The following CARD8 variants were observed in gnomAD, a reference collection of about 807,000 sequenced individuals.
CARD8 encodes caspase recruitment domain family member 8.
A neutral mutation model predicts 53.2 loss-of-function variants in CARD8; 38 were observed. That is an observed-to-expected ratio of 0.71 (90% CI 0.55 to 0.94). The LOEUF (loss-of-function observed/expected upper bound fraction) is 0.94. Among genes scored for constraint, CARD8 ranks in the 40% least tolerant of loss-of-function variants. The pLI is 0.00. For synonymous variants in CARD8, 245 were observed against 244.9 expected (o/e 1.00, Z 0.00); for missense variants, 561 against 655.5 (o/e 0.86, Z 1.57).
intron 5 of CARD8, among the ~76,000 whole-genome samples, chr19:48,236,936 C>T (rs183290973): frequency 2.6e-5 from 4 of 152,150 alleles, no homozygotes; most frequent in East Asian, 1.9e-4. Flanking sequence ...CCACCAAGCC[C>T]GGCTAATTCT....
chr19:48,211,537 G>T lies in CARD8; in HGVS notation c.*173C>A. ...AGACATTCTTGAGGAAAATGCATGAGGATACAGTCAATAGGTACATGCCAG... is the reference window on the plus strand; with the variant it reads ...AGACATTCTTGAGGAAAATGCATGATGATACAGTCAATAGGTACATGCCAG... On this transcript the variant is annotated 3_prime_UTR_variant, in exon 14 of 14. Coordinates refer to ENST00000651546, the MANE Select transcript of CARD8 (RefSeq NM_001184900.3). The T allele has an allele frequency of 1.6e-6, 1 of 622,220 alleles. No individual in the cohort carries two copies. Among genetic ancestry groups the T allele is most frequent in the East Asian group, 2.7e-5 (1 of 36,584 alleles). The allele number at this position is 622,220 out of a possible 1,614,324, so 38.5% of individuals were successfully genotyped here.
intron 3 of CARD8, among the ~76,000 whole-genome samples, chr19:48,244,734 A>C (rs1328916970): frequency 6.6e-6 from 1 of 152,242 alleles, no homozygotes; most frequent in East Asian, 1.9e-4. Context: ...AATAATTAAG[A>C]AAAAGATATT....
chr19:48,212,854 G>A (rs2038303913), intron 13 of CARD8: 1 of 152,228 alleles, frequency 6.6e-6, no homozygotes, highest in Non-Finnish European at 1.5e-5. Context: ...TGCACCTCCA[G>A]ATGTGAGGCA....
chr19:48,248,454 A>T (rs1185772035), intron 3 of CARD8, among the ~76,000 whole-genome samples: 1 of 152,270 alleles, frequency 6.6e-6, no homozygotes, highest in Non-Finnish European at 1.5e-5. Context: ...TAAATAAGGA[A>T]TCAAAAGGAT....
intron 5 of CARD8, 193 bp downstream of exon 5, chr19:48,238,190 C>G (rs2044264774): frequency 9.4e-7 from 1 of 1,061,068 alleles, no homozygotes; most frequent in Non-Finnish European, 1.3e-6. Flanking sequence ...TGGGCTCAGA[C>G]CTTTTTTCCC....
At chr19:48,222,922 G>A (rs539609940) in intron 10 of CARD8, among the ~76,000 whole-genome samples, 50 of 152,168 alleles carry the variant, frequency 3.3e-4, no homozygotes, top group Admixed American at 8.5e-4. Context: ...TGGGGAAGCT[G>A]GTGATGTCTT....
intron 12 of CARD8, among the ~76,000 whole-genome samples, chr19:48,218,014 T>C (rs1463738244): frequency 6.6e-6 from 1 of 152,220 alleles, no homozygotes; most frequent in Admixed American, 6.5e-5. Context: ...TTCTTCTGAC[T>C]CTTAGAATCT....
intron 11 of CARD8, among the ~76,000 whole-genome samples, chr19:48,219,879 G>A (rs868809613): frequency 6.6e-6 from 1 of 152,122 alleles, no homozygotes; most frequent in African/African-American, 2.4e-5. Flanking sequence ...GCTGAGGCAG[G>A]AGAATCGCTT....
chr19:48,226,885 G>A (rs1322156077), intron 10 of CARD8, among the ~76,000 whole-genome samples: 2 of 151,954 alleles, frequency 1.3e-5, no homozygotes, highest in African/African-American at 2.4e-5. Context: ...AGACCAGCCT[G>A]GCAAACACGG....
In CARD8 at chr19:48,234,458, GCTCTGC is replaced by G. The variant is rs1346323982; in HGVS notation, c.289_294del (p.Ala97_Glu98del). The G allele has an allele frequency of 6.2e-7, 1 of 1,613,808 alleles. No individual in the cohort carries two copies. Among genetic ancestry groups the G allele is most frequent in the South Asian group, 1.1e-5 (1 of 91,064 alleles). The stretch of plus-strand genomic sequence containing the variant: ...TCAGGAACAGCACGGAACAATAATG[GCTCTGC>G]CTCTGTCTCATCATCTTCTTGGAAA... On this transcript the variant is annotated inframe_deletion, in exon 6 of 14. Coordinates refer to ENST00000651546, the MANE Select transcript of CARD8 (RefSeq NM_001184900.3).
chr19:48,220,770 G>A (rs867105726), intron 11 of CARD8, among the ~76,000 whole-genome samples: 40 of 151,992 alleles, frequency 2.6e-4, no homozygotes, highest in African/African-American at 9.7e-4. Context: ...AATCAGCCGG[G>A]AGTGGTGGTG....
intron 5 of CARD8, 61 bp downstream of exon 5, chr19:48,238,322 T>C (rs1465062370): frequency 3.3e-6 from 5 of 1,515,042 alleles, no homozygotes; most frequent in African/African-American, 1.4e-5. Context: ...TGAATGTACA[T>C]AAACCAATGG....
chr19:48,241,041 G>C lies in CARD8; in HGVS notation c.-21C>G. The C allele has an allele frequency of 6.6e-7, 1 of 1,523,406 alleles. No homozygotes were observed. Among genetic ancestry groups the C allele is most frequent in the Non-Finnish European group, 8.8e-7 (1 of 1,135,434 alleles). 94.4% of individuals were successfully genotyped at this position (1,523,406 alleles called of 1,614,324 possible). ...TCCATTTGTCAAATGTGGTATTTAT[G>C]TCTTTACTGTATCTTTTTTACCCTG... On this transcript the variant is annotated 5_prime_UTR_variant, in exon 4 of 14. Transcript: ENST00000651546.
chr19:48,230,484 A>C lies in CARD8; in HGVS notation c.989T>G (p.Ile330Ser). ...LIYYHPHPED[I>S]KFHLYLVPSD... ...GGGGACAAGGTACAAGTGGAACTTA[A>C]TATCTTCGGGGTGGGGGTGATAATA... The change falls in exon 10 of 14, where the codon ATT (isoleucine) becomes AGT (serine). Residue 330 changes from isoleucine to serine, a missense_variant. Physicochemically the swap from Ile to Ser is moderately radical, Grantham distance 142. Transcript: ENST00000651546. 1 of 1,613,846 alleles carries C rather than the reference A, an allele frequency of 6.2e-7. No homozygotes were observed. Among genetic ancestry groups the C allele is most frequent in the Non-Finnish European group, 8.5e-7 (1 of 1,179,790 alleles).
intron 3 of CARD8, among the ~76,000 whole-genome samples, chr19:48,243,418 T>C (rs575599406): frequency 6.6e-6 from 1 of 152,234 alleles, no homozygotes; most frequent in African/African-American, 2.4e-5. Flanking sequence ...ATATGCATAA[T>C]AATCACTCAC....
At chr19:48,216,985 T>C (rs1421728615) in intron 12 of CARD8, among the ~76,000 whole-genome samples, 1 of 151,464 alleles carries the variant, frequency 6.6e-6, no homozygotes, top group East Asian at 1.9e-4. Context: ...CATCTCGGGG[T>C]GATGGGAGAC....
chr19:48,229,143 G>GA (rs1482594504), intron 10 of CARD8, among the ~76,000 whole-genome samples: 3 of 151,694 alleles, frequency 2.0e-5, no homozygotes, highest in Admixed American at 6.6e-5. Flanking sequence ...TCTCAAAAAA[G>GA]AAAAAAAGAA....
At chr19:48,230,172 C>A (rs1363696663) in intron 10 of CARD8, among the ~76,000 whole-genome samples, 1 of 152,012 alleles carries the variant, frequency 6.6e-6, no homozygotes, top group Non-Finnish European at 1.5e-5. Flanking sequence ...TCAGCTGGTC[C>A]CCCAAAATCA....
intron 4 of CARD8, among the ~76,000 whole-genome samples, chr19:48,239,482 T>C (rs1312138932): frequency 6.6e-6 from 1 of 150,726 alleles, no homozygotes; most frequent in Admixed American, 6.6e-5. Context: ...CTTTTTTTTT[T>C]TTTTTTTTTT....
Sources: allele counts gnomAD v4.1 joint callset (sites outside exome capture counted in the v4.1 genomes callset), GRCh38; gene constraint gnomAD v4.1.1; transcripts MANE v1.5; gene names NCBI Gene and HGNC (gene_info 2026-07-23, HGNC 2026-07-21).